CNTNAP2: variants seen among roughly 807,000 people sequenced by gnomAD.
CNTNAP2 encodes the protein contactin associated protein 2.
In CNTNAP2, 98 loss-of-function variants were observed where a neutral mutation model predicts 155.2. The observed-to-expected ratio is 0.63, with a 90% CI of 0.54 to 0.75. CNTNAP2 has a LOEUF of 0.75. Ranked by LOEUF, CNTNAP2 falls within the 30% of genes least tolerant of loss-of-function variation. The probability of loss-of-function intolerance (pLI) is 0.00; values close to 1 mark genes in which losing one functional copy is unlikely to be tolerated. For synonymous variants in CNTNAP2, 651 were observed against 631.2 expected, an observed-to-expected ratio of 1.03 and a Z score of -0.47; for missense variants, 1,727 against 1,688.1, an observed-to-expected ratio of 1.02 and a Z score of -0.40.
At chr7:146,644,321 T>TCC (rs1357997143) in intron 1 of CNTNAP2, among the ~76,000 whole-genome samples, 69 of 152,266 alleles carry the variant, frequency 4.5e-4, no homozygotes, top group African/African-American at 1.4e-3. Context: ...TATTTTGAGA[T>TCC]ATGTCCCATC....
intron 10 of CNTNAP2, among the ~76,000 whole-genome samples, chr7:147,457,951 C>G (rs1797951037): frequency 6.6e-6 from 1 of 152,104 alleles, no homozygotes; most frequent in South Asian, 2.1e-4. Context: ...GTTTCCAGCT[C>G]TTTCTCTTTG....
intron 13 of CNTNAP2, among the ~76,000 whole-genome samples, chr7:147,861,649 C>G (rs1327904203): frequency 1.3e-5 from 2 of 152,100 alleles, no homozygotes; most frequent in African/African-American, 4.8e-5. Flanking sequence ...TTCCCAAGTA[C>G]TAAGAGAAGG....
intron 22 of CNTNAP2, among the ~76,000 whole-genome samples, chr7:148,401,592 T>TTTTTTTC (rs980981204): frequency 3.4e-5 from 5 of 147,232 alleles, no homozygotes; most frequent in Non-Finnish European, 7.6e-5. Flanking sequence ...TAATGAGCTA[T>TTTTTTTC]TTTTTTCTTT....
At chr7:147,132,124 G>C in intron 7 of CNTNAP2, 121 bp from the exon 8 acceptor site, 1 of 1,258,702 alleles carries the variant, frequency 7.9e-7, no homozygotes, top group Admixed American at 1.7e-5. Flanking sequence ...TGCTGTGTGT[G>C]AGTTTAGCTT....
chr7:147,567,581 G>A lies in CNTNAP2; in HGVS notation c.1897+5324G>A, dbSNP rs944158597. Reference sequence around the variant, plus strand: ...AAAGAGGAGGAGATTGATTTGATGGGTATTTAAGAAGAGGAGTTGGCCAGA... The same window carrying A: ...AAAGAGGAGGAGATTGATTTGATGGATATTTAAGAAGAGGAGTTGGCCAGA... On this transcript the variant is annotated intron_variant, in intron 12 of 23. Transcript: ENST00000361727. Among the ~76,000 whole-genome samples the A allele has an allele frequency of 2.0e-5, 3 of 152,112 alleles. No individual in the cohort carries two copies. The East Asian group carries it at 5.8e-4, about 29-fold the overall frequency.
chr7:147,637,793 G>A (rs1253352818), intron 12 of CNTNAP2, among the ~76,000 whole-genome samples: 1 of 152,140 alleles, frequency 6.6e-6, no homozygotes, highest in African/African-American at 2.4e-5. Context: ...ATCCAAAGGT[G>A]CATCATGTGT....
At chr7:146,412,262 C>T (rs1436582985) in intron 1 of CNTNAP2, among the ~76,000 whole-genome samples, 3 of 152,168 alleles carry the variant, frequency 2.0e-5, no homozygotes, top group East Asian at 1.9e-4. Context: ...AGTCACTACA[C>T]GCTTCACAGC....
chr7:146,388,373 T>G (rs1795491023), intron 1 of CNTNAP2, among the ~76,000 whole-genome samples: 1 of 152,110 alleles, frequency 6.6e-6, no homozygotes, highest in Admixed American at 6.6e-5. Flanking sequence ...AGGTTGAGGC[T>G]GCAGCGAGCC....
At chr7:147,107,714 C>T (rs1318315312) in intron 4 of CNTNAP2, among the ~76,000 whole-genome samples, 1 of 152,062 alleles carries the variant, frequency 6.6e-6, no homozygotes, top group East Asian at 1.9e-4. Context: ...TGCCTTCATT[C>T]TTACATCAAA....
rs115625783 is a variant in CNTNAP2 at position 147,592,010 on chromosome 7, T to C, written c.1897+29753T>C. On this transcript the variant is annotated intron_variant, in intron 12 of 23. Transcript: ENST00000361727. ...CATTAGCATACCATCATTTTCACCA[T>C]TGTCTGAGTTAGCTGTTCTTCCTCT... Among the ~76,000 whole-genome samples the C allele has an allele frequency of 3.5e-3, 527 of 152,332 alleles. 4 individuals are homozygous for C. Among genetic ancestry groups the C allele is most frequent in the African/African-American group, 0.012 (510 of 41,580 alleles).
Position 148,001,541 on chromosome 7 carries a change from T to C in CNTNAP2, c.2383+23552T>C, listed in dbSNP as rs796234796. ...GTGGTTAATGTCACAAAAGCAATCA[T>C]TGGAGTTGTCAATCACAGAATGACA... On this transcript the variant is annotated intron_variant, in intron 15 of 23. Coordinates refer to ENST00000361727, the MANE Select transcript of CNTNAP2 (RefSeq NM_014141.6). Among the ~76,000 whole-genome samples, 6 of 152,360 alleles carry C rather than the reference T, an allele frequency of 3.9e-5. 1 individual carries two copies. The highest frequency in any genetic ancestry group is 1.4e-4 in the African/African-American group (6 of 41,582).
At chr7:146,406,735 G>A (rs913218934) in intron 1 of CNTNAP2, among the ~76,000 whole-genome samples, 6 of 152,130 alleles carry the variant, frequency 3.9e-5, no homozygotes, top group South Asian at 2.1e-4. Flanking sequence ...AGTCAACCTC[G>A]CAGAACCTTT....
intron 10 of CNTNAP2, among the ~76,000 whole-genome samples, chr7:147,469,226 C>T (rs1025777673): frequency 1.7e-4 from 26 of 152,222 alleles, no homozygotes; most frequent in Admixed American, 5.9e-4. Flanking sequence ...CTCAAGCCAG[C>T]CTATGAAATG....
At chr7:147,065,424 T>G (rs1002015087) in intron 4 of CNTNAP2, among the ~76,000 whole-genome samples, 3 of 152,224 alleles carry the variant, frequency 2.0e-5, no homozygotes, top group Admixed American at 2.0e-4. Flanking sequence ...AACTAACTAT[T>G]CAGAAATTGG....
chr7:147,513,569 T>A (rs1799059056), intron 11 of CNTNAP2, among the ~76,000 whole-genome samples: 1 of 152,216 alleles, frequency 6.6e-6, no homozygotes, highest in African/African-American at 2.4e-5. Flanking sequence ...GAACATTATT[T>A]TTAACCACAG....
At chr7:146,798,144 C>T (rs1016771350) in intron 2 of CNTNAP2, among the ~76,000 whole-genome samples, 24 of 152,050 alleles carry the variant, frequency 1.6e-4, no homozygotes, top group East Asian at 3.9e-4. Flanking sequence ...TCCTAGCACA[C>T]GCCTGCGGTC....
intron 1 of CNTNAP2, among the ~76,000 whole-genome samples, chr7:146,337,436 C>G (rs1801295507): frequency 6.6e-6 from 1 of 151,958 alleles, no homozygotes; most frequent in Admixed American, 6.6e-5. Flanking sequence ...ATTATTTTAT[C>G]TTGGAATGCA....
intron 1 of CNTNAP2, among the ~76,000 whole-genome samples, chr7:146,148,466 G>A (rs576123024): frequency 6.6e-6 from 1 of 152,074 alleles, no homozygotes; most frequent in East Asian, 1.9e-4. Flanking sequence ...ATTCACAATA[G>A]AATTCTCAAT....
At chr7:147,623,947 A>G (rs1406055210) in intron 12 of CNTNAP2, among the ~76,000 whole-genome samples, 2 of 152,116 alleles carry the variant, frequency 1.3e-5, no homozygotes, top group Non-Finnish European at 2.9e-5. Flanking sequence ...TGTATAACCC[A>G]GAAACAAATC....
Sources: allele counts gnomAD v4.1 joint callset (sites outside exome capture counted in the v4.1 genomes callset), GRCh38; gene constraint gnomAD v4.1.1; transcripts MANE v1.5; gene names NCBI Gene and HGNC (gene_info 2026-07-23, HGNC 2026-07-21).